The following SYNE2 variants were observed in gnomAD, a reference collection of about 807,000 sequenced individuals.
SYNE2 encodes spectrin repeat containing nuclear envelope protein 2.
In SYNE2, 431 loss-of-function variants were observed where a neutral mutation model predicts 856.3. The ratio of observed to expected loss-of-function variants is 0.50; its 90% confidence interval spans 0.47 to 0.55. SYNE2 has a LOEUF of 0.55. Among genes scored for constraint, SYNE2 ranks in the 20% least tolerant of loss-of-function variants. The probability of loss-of-function intolerance (pLI) is 0.00; values close to 1 mark genes in which losing one functional copy is unlikely to be tolerated. For missense variants in SYNE2, 8,129 were observed against 8,023.2 expected, an observed-to-expected ratio of 1.01 and a Z score of -0.50; for synonymous variants, 2,923 against 2,872.3, an observed-to-expected ratio of 1.02 and a Z score of -0.56.
chr14:64,159,254 C>G, intron 86 of SYNE2, 58 bp from the exon 87 acceptor site: 1 of 1,611,382 alleles, frequency 6.2e-7, no homozygotes, highest in South Asian at 1.1e-5. Flanking sequence ...AAGCTGCCAC[C>G]TTCTTTGGAA....
intron 6 of SYNE2, among the ~76,000 whole-genome samples, chr14:63,948,776 G>A (rs1321040878): frequency 1.2e-4 from 8 of 67,594 alleles, no homozygotes; most frequent in Non-Finnish European, 2.3e-4. Context: ...ATATGTATGT[G>A]TGTGTGTATA....
intron 55 of SYNE2, among the ~76,000 whole-genome samples, chr14:64,080,044 C>T (rs536193687): frequency 5.3e-5 from 8 of 150,406 alleles, no homozygotes; most frequent in East Asian, 3.9e-4. Context: ...ATTAAGAGAG[C>T]GTGTGTGTGT....
intron 45 of SYNE2, among the ~76,000 whole-genome samples, chr14:64,038,470 C>T (rs943158303): frequency 6.6e-6 from 1 of 152,244 alleles, no homozygotes; most frequent in Admixed American, 6.5e-5. Context: ...AATCTTGGCA[C>T]TTTGGGAGGC....
chr14:63,978,048 T>G, intron 13 of SYNE2, 31 bp downstream of exon 13: 2 of 1,396,734 alleles, frequency 1.4e-6, no homozygotes, highest in Admixed American at 3.3e-5. Flanking sequence ...ACAGCTGCTG[T>G]CACTATTCAC....
intron 2 of SYNE2, among the ~76,000 whole-genome samples, chr14:63,924,620 A>G (rs979500677): frequency 6.6e-6 from 1 of 152,158 alleles, no homozygotes; most frequent in Admixed American, 6.6e-5. Context: ...TTTTGATGCC[A>G]TTATGAATGA....
rs566586817 is a variant in SYNE2 at position 63,954,391 on chromosome 14, A to G, written c.591-328A>G. ...ATCATTATCTCCTGGAGGGCTTTTAAAGGCACAGATTTCAGGCCCACCTCC... is the reference window on the plus strand; with the variant it reads ...ATCATTATCTCCTGGAGGGCTTTTAGAGGCACAGATTTCAGGCCCACCTCC... On this transcript the variant is annotated intron_variant, in intron 7 of 115. Coordinates refer to ENST00000555002, the MANE Select transcript of SYNE2 (RefSeq NM_182914.3). Among the ~76,000 whole-genome samples the G allele has an allele frequency of 1.8e-4, 28 of 152,218 alleles. 1 individual carries two copies. Among genetic ancestry groups the G allele is most frequent in the Admixed American group, 1.5e-3 (23 of 15,284 alleles).
chr14:64,052,423 G>A lies in SYNE2; in HGVS notation c.8510G>A (p.Ser2837Asn), dbSNP rs1171588078. ...QQLEFKLEERSNFFAIIRKFQ... is the reference protein window; with the variant it reads ...QQLEFKLEERNNFFAIIRKFQ... The stretch of plus-strand genomic sequence containing the variant: ...TTAGAATTTAAGTTGGAAGAAAGAA[G>A]CAATTTTTTTGCTATAATAAGGAAG... Residue 2837 changes from serine (S) to asparagine (N), a missense_variant, in exon 48 of 116, where the codon AGC becomes AAC. Physicochemically the swap from Ser to Asn is conservative, Grantham distance 46. Around this residue, in one of 3 missense-constraint regions of SYNE2, gnomAD observed 5,410 missense variants for 5,284.8 expected, o/e 1.02. Transcript: ENST00000555002. 7.4e-6 allele frequency: 12 copies of A among 1,612,936 alleles called. No individual in the cohort carries two copies. The South Asian group carries it at 1.3e-4, about 18-fold the overall frequency.
intron 94 of SYNE2, chr14:64,173,830 G>T: frequency 1.7e-6 from 1 of 593,930 alleles, no homozygotes; most frequent in Non-Finnish European, 3.0e-6. Context: ...GCCTTTGGGA[G>T]TATGGATCAA....
intron 32 of SYNE2, 47 bp downstream of exon 32, chr14:64,010,163 C>G (rs1261098538): frequency 1.3e-6 from 2 of 1,567,078 alleles, no homozygotes; most frequent in Non-Finnish European, 1.7e-6. Flanking sequence ...ACCTCACTGA[C>G]AGGCCTGGTA....
chr14:63,996,806 TAGCG>T, intron 23 of SYNE2, 137 bp from the exon 24 acceptor site: 1 of 794,900 alleles, frequency 1.3e-6, no homozygotes, highest in Admixed American at 2.1e-5. Context: ...TTTTTTTCTC[TAGCG>T]CCTATTGTCA....
chr14:64,165,136 C>T (rs1029369337), intron 89 of SYNE2, 149 bp from the exon 90 acceptor site: 6 of 730,756 alleles, frequency 8.2e-6, no homozygotes, highest in Non-Finnish European at 1.2e-5. Flanking sequence ...ATCTTCCCAC[C>T]TCGGCCTCCC....
chr14:64,109,811 G>A lies in SYNE2; in HGVS notation c.12609+2204G>A, dbSNP rs539935585. On this transcript the variant is annotated intron_variant, in intron 65 of 115. Coordinates refer to ENST00000555002, the MANE Select transcript of SYNE2 (RefSeq NM_182914.3). ...CATCACTAATGAGAAGGAAAGTGGGGACTTTGCAGAAACCAGGCAGCCAAT... is the reference window on the plus strand; with the variant it reads ...CATCACTAATGAGAAGGAAAGTGGGAACTTTGCAGAAACCAGGCAGCCAAT... Among the ~76,000 whole-genome samples, 4 of 152,242 alleles carry A rather than the reference G, an allele frequency of 2.6e-5. No homozygotes were observed. In the South Asian group the frequency reaches 6.2e-4, roughly 24 times the overall value.
chr14:64,062,819 A>G lies in SYNE2; in HGVS notation c.10136A>G (p.Glu3379Gly). ...ATTTACACTAACCTCAGCAAAATGG[A>G]GACAGTTCTTGGACAGTCCATGTCC... Reference protein sequence around the residue: ...EDIYTNLSKMETVLGQSMSSL... With the variant: ...EDIYTNLSKMGTVLGQSMSSL... The change falls in exon 50 of 116, where the codon GAG becomes GGG. Residue 3379 changes from glutamate (E) to glycine (G), a missense_variant. Physicochemically the swap from Glu to Gly is moderately conservative, Grantham distance 98. Coordinates refer to ENST00000555002, the MANE Select transcript of SYNE2 (RefSeq NM_182914.3). 6.2e-7 allele frequency: 1 copy of G among 1,614,144 alleles called. No homozygotes were observed. The highest frequency in any genetic ancestry group is 2.2e-5 in the East Asian group (1 of 44,878).
chr14:64,033,540 G>A (rs981957972), intron 45 of SYNE2, among the ~76,000 whole-genome samples: 3 of 151,446 alleles, frequency 2.0e-5, no homozygotes, highest in Non-Finnish European at 4.4e-5. Flanking sequence ...ACAAAAATTA[G>A]CCAGAGGTGG....
intron 1 of SYNE2, among the ~76,000 whole-genome samples, chr14:63,887,561 T>C (rs1445007626): frequency 6.6e-6 from 1 of 152,134 alleles, no homozygotes; most frequent in Non-Finnish European, 1.5e-5. Context: ...CTGGCCTTAC[T>C]GACATTGCCA....
At chr14:64,060,672 C>T (rs1486449403) in intron 49 of SYNE2, among the ~76,000 whole-genome samples, 1 of 152,038 alleles carries the variant, frequency 6.6e-6, no homozygotes, top group African/African-American at 2.4e-5. Flanking sequence ...TGGTCACATG[C>T]CCCAACAAGT....
intron 87 of SYNE2, among the ~76,000 whole-genome samples, chr14:64,161,203 C>T (rs571241542): frequency 2.0e-5 from 3 of 151,998 alleles, no homozygotes; most frequent in South Asian, 2.1e-4. Context: ...ATTAGCCAGG[C>T]GTGGTGGCAT....
intron 1 of SYNE2, among the ~76,000 whole-genome samples, chr14:63,791,511 T>G (rs1303372788): frequency 6.6e-6 from 1 of 152,156 alleles, no homozygotes; most frequent in Admixed American, 6.6e-5. Context: ...TCTCTTTACT[T>G]TAGAAGAGAT....
intron 1 of SYNE2, among the ~76,000 whole-genome samples, chr14:63,888,873 G>C (rs546488204): frequency 6.6e-6 from 1 of 152,088 alleles, no homozygotes; most frequent in Admixed American, 6.5e-5. Context: ...ATATTTAGCA[G>C]AACCAAAAAA....
Sources: allele counts gnomAD v4.1 joint callset (sites outside exome capture counted in the v4.1 genomes callset), GRCh38; gene constraint gnomAD v4.1.1; regional missense constraint gnomAD v4.1.1; transcripts MANE v1.5; gene names NCBI Gene and HGNC (gene_info 2026-07-23, HGNC 2026-07-21).